Variants in PTPRN2 observed in about 807,000 individuals in gnomAD.
The protein encoded by PTPRN2 is protein tyrosine phosphatase receptor type N2.
Under a neutral mutation model 118.8 loss-of-function variants are expected in PTPRN2, and 74 were observed. That is an observed-to-expected ratio of 0.62 (90% CI 0.52 to 0.76). PTPRN2 has a LOEUF of 0.76. PTPRN2 is among the 30% of genes least tolerant of loss of function. The pLI is 0.00. For synonymous variants in PTPRN2, 641 were observed against 608.0 expected, an observed-to-expected ratio of 1.05 and a Z score of -0.80; for missense variants, 1,481 against 1,394.4, an observed-to-expected ratio of 1.06 and a Z score of -0.99.
chr7:158,158,204 C>T (rs73745163), intron 6 of PTPRN2, among the ~76,000 whole-genome samples: 16,339 of 152,230 alleles, frequency 0.11, 1,294 homozygotes, highest in African/African-American at 0.22. Flanking sequence ...AAAGTGTGGG[C>T]ATATTTTCTC....
At chr7:158,275,358 A>G (rs1798891747) in intron 3 of PTPRN2, among the ~76,000 whole-genome samples, 1 of 152,172 alleles carries the variant, frequency 6.6e-6, no homozygotes, top group Non-Finnish European at 1.5e-5. Flanking sequence ...CCACAGCTTC[A>G]CTGTGCTGGC....
chr7:158,423,935 A>G (rs1278200374), intron 2 of PTPRN2, among the ~76,000 whole-genome samples: 2 of 152,184 alleles, frequency 1.3e-5, no homozygotes, highest in Non-Finnish European at 2.9e-5. Flanking sequence ...TGCATGTATC[A>G]TTTCCTTTAA....
intron 11 of PTPRN2, among the ~76,000 whole-genome samples, chr7:157,916,517 C>A (rs886404705): frequency 1.3e-5 from 2 of 152,248 alleles, no homozygotes; most frequent in African/African-American, 2.4e-5. Context: ...GAGGACAGTT[C>A]TGGGAGCAGG....
chr7:158,394,575 G>A (rs1240383572), intron 2 of PTPRN2, among the ~76,000 whole-genome samples: 1 of 152,194 alleles, frequency 6.6e-6, no homozygotes, highest in Non-Finnish European at 1.5e-5. Context: ...AGCTCCGGGT[G>A]GTCTCTAAGT....
At chr7:157,842,405 G>T (rs1355916062) in intron 12 of PTPRN2, among the ~76,000 whole-genome samples, 2 of 142,966 alleles carry the variant, frequency 1.4e-5, no homozygotes, top group East Asian at 4.3e-4. Context: ...TGCAGATTCA[G>T]GAGACTTTTT....
chr7:157,886,190 C>T (rs1015979749), intron 12 of PTPRN2, among the ~76,000 whole-genome samples: 1 of 152,172 alleles, frequency 6.6e-6, no homozygotes, highest in African/African-American at 2.4e-5. Context: ...CCCTAGGGAA[C>T]CTGCAGGGAC....
rs151163523 is a variant in PTPRN2, at chr7:158,267,787, T to G, written c.277+49032A>C. On this transcript the variant is annotated intron_variant, in intron 3 of 22. Coordinates refer to ENST00000389418, the MANE Select transcript of PTPRN2 (RefSeq NM_002847.5). ...AGGGCAGCAAAAAACCCAACCTCTA[T>G]GCCAGGCTGAGCTTCTGTTCTTCCT... is the stretch of plus-strand genomic sequence containing the variant. Among the ~76,000 whole-genome samples, 752 of 152,336 alleles carry G rather than the reference T, an allele frequency of 4.9e-3. 4 individuals are homozygous for G. Among genetic ancestry groups the G allele is most frequent in the Admixed American group, 0.018 (280 of 15,308 alleles).
rs944437429 is a variant in PTPRN2, at chr7:157,869,394, A to T, written c.1788+29279T>A. 1.3e-5 allele frequency among the ~76,000 whole-genome samples: 2 copies of T among 152,256 alleles called. No homozygotes were observed. Among genetic ancestry groups the T allele is most frequent in the African/African-American group, 4.8e-5 (2 of 41,470 alleles). ...GTTTACATTTTTCCTGAGTTAGCAG[A>T]CAAATATAAGGGGACTTCAAAAAGT... On this transcript the variant is annotated intron_variant, in intron 12 of 22. Coordinates refer to ENST00000389418, the MANE Select transcript of PTPRN2 (RefSeq NM_002847.5). The surrounding 1 kb of genome is among the most constrained non-coding windows in gnomAD (Gnocchi z 4.2).
chr7:158,564,260 C>CA (rs76122454), intron 1 of PTPRN2, among the ~76,000 whole-genome samples: 41 of 151,004 alleles, frequency 2.7e-4, no homozygotes, highest in African/African-American at 4.1e-4. Flanking sequence ...AGTATTATGA[C>CA]AAAAAAAAAG....
intron 2 of PTPRN2, among the ~76,000 whole-genome samples, chr7:158,330,021 AC>A (rs1804048081): frequency 6.6e-6 from 1 of 151,336 alleles, no homozygotes; most frequent in African/African-American, 2.4e-5. Context: ...CCACACTCTC[AC>A]CATAAGAGGT....
intron 12 of PTPRN2, among the ~76,000 whole-genome samples, chr7:157,897,684 CTGTT>C (rs1406892331): frequency 2.0e-5 from 3 of 152,252 alleles, no homozygotes; most frequent in Admixed American, 1.3e-4. Flanking sequence ...GCAAGAACCT[CTGTT>C]TGGGAAGAGC....
At chr7:158,314,279 T>C (rs936379130) in intron 3 of PTPRN2, among the ~76,000 whole-genome samples, 7 of 152,214 alleles carry the variant, frequency 4.6e-5, no homozygotes, top group Non-Finnish European at 7.3e-5. Flanking sequence ...CAAAAGCTCA[T>C]CTGTTTGCTC....
intron 12 of PTPRN2, among the ~76,000 whole-genome samples, chr7:157,688,090 G>A (rs1277346881): frequency 6.6e-6 from 1 of 152,046 alleles, no homozygotes; most frequent in Non-Finnish European, 1.5e-5. Flanking sequence ...CATTCAAGTG[G>A]CCAAAAAACC....
chr7:157,743,985 G>A (rs552381601), intron 12 of PTPRN2, among the ~76,000 whole-genome samples: 76 of 152,354 alleles, frequency 5.0e-4, no homozygotes, highest in African/African-American at 1.4e-3. Flanking sequence ...AGGCGGTGCC[G>A]TGACGGGGCG....
At chr7:158,134,628 G>T (rs1398815408) in intron 8 of PTPRN2, among the ~76,000 whole-genome samples, 2 of 152,068 alleles carry the variant, frequency 1.3e-5, no homozygotes, top group African/African-American at 4.8e-5. Context: ...ACCCACAAGT[G>T]GGCACATCAC....
At chr7:157,843,860 C>T (rs961916683) in intron 12 of PTPRN2, among the ~76,000 whole-genome samples, 4 of 152,166 alleles carry the variant, frequency 2.6e-5, no homozygotes, top group East Asian at 1.9e-4. Context: ...AGGAACAGGT[C>T]GGGGCTGCAT....
intron 3 of PTPRN2, among the ~76,000 whole-genome samples, chr7:158,254,906 C>T (rs574596414): frequency 3.9e-5 from 6 of 152,340 alleles, no homozygotes; most frequent in Non-Finnish European, 5.9e-5. Context: ...GATCTGGACA[C>T]GAATAATAAA....
intron 12 of PTPRN2, among the ~76,000 whole-genome samples, chr7:157,721,602 G>T (rs1457507448): frequency 1.3e-5 from 2 of 152,218 alleles, no homozygotes; most frequent in South Asian, 4.1e-4. Flanking sequence ...CGTCCACTGA[G>T]TCGCAGCTCC....
chr7:158,384,297 C>T (rs1422765108), intron 2 of PTPRN2, among the ~76,000 whole-genome samples: 1 of 152,162 alleles, frequency 6.6e-6, no homozygotes, highest in East Asian at 1.9e-4. Flanking sequence ...AAGGACCTTT[C>T]GGCCAGACAC....
Sources: allele counts gnomAD v4.1 joint callset (sites outside exome capture counted in the v4.1 genomes callset), GRCh38; gene constraint gnomAD v4.1.1; non-coding constraint Gnocchi (gnomAD v3.1); transcripts MANE v1.5; gene names NCBI Gene and HGNC (gene_info 2026-07-23, HGNC 2026-07-21).